The following HDAC9 variants were observed in gnomAD, a reference collection of about 807,000 sequenced individuals.
HDAC9 encodes MEF-2 interacting transcription repressor (MITR) protein.
HDAC9 carries 41 observed loss-of-function variants against 139.4 expected under a neutral mutation model. That is an observed-to-expected ratio of 0.29 (90% confidence interval 0.23 to 0.38). The LOEUF is 0.38. Among genes scored for constraint, HDAC9 ranks in the 10% least tolerant of loss-of-function variants. HDAC9 has a pLI of 1.00. For synonymous variants in HDAC9, 517 were observed against 476.2 expected (o/e 1.09, Z -1.12); for missense variants, 1,147 against 1,297.0 (o/e 0.88, Z 1.78).
At chr7:18,938,042 G>A (rs1030925962) in intron 23 of HDAC9, among the ~76,000 whole-genome samples, 1 of 152,142 alleles carries the variant, frequency 6.6e-6, no homozygotes, top group Non-Finnish European at 1.5e-5. Flanking sequence ...AAAGCAAAGT[G>A]TGTTTTGTAC....
intron 1 of HDAC9, among the ~76,000 whole-genome samples, chr7:18,159,899 AG>A (rs1562690340): frequency 6.6e-6 from 1 of 152,216 alleles, no homozygotes; most frequent in East Asian, 1.9e-4. Flanking sequence ...ACTTTAAAAA[AG>A]ACTTGATATT....
At chr7:18,754,394 A>C (rs992701370) in intron 14 of HDAC9, among the ~76,000 whole-genome samples, 1 of 152,076 alleles carries the variant, frequency 6.6e-6, no homozygotes, top group Non-Finnish European at 1.5e-5. Context: ...TTGACCCATC[A>C]TCTGTTAGAA....
intron 6 of HDAC9, among the ~76,000 whole-genome samples, chr7:18,620,966 AAC>A (rs1307540292): frequency 6.6e-6 from 1 of 152,222 alleles, no homozygotes; most frequent in Non-Finnish European, 1.5e-5. Flanking sequence ...TGATGTACAT[AAC>A]AGTGCTGTCT....
chr7:18,619,442 A>G (rs1013676431), intron 6 of HDAC9, among the ~76,000 whole-genome samples: 3 of 152,188 alleles, frequency 2.0e-5, no homozygotes, highest in African/African-American at 7.2e-5. Flanking sequence ...AATAGACACA[A>G]GATCAATGAT....
In HDAC9 at chr7:18,465,475, G is replaced by T. The variant is rs11976923; in HGVS notation, c.-41-30787G>T. Among the ~76,000 whole-genome samples the T allele has an allele frequency of 5.2e-3, 789 of 152,168 alleles. 11 individuals carry two copies. The highest frequency in any genetic ancestry group is 0.018 in the African/African-American group (752 of 41,532). ...GAGAGTCTGATTTCTGTGGAGGTGG[G>T]TGGGGTTTGTGAATTTTGCAGCTTT... On this transcript the variant is annotated intron_variant, in intron 1 of 3. Transcript: ENST00000413509.
intron 6 of HDAC9, among the ~76,000 whole-genome samples, chr7:18,598,962 G>A (rs905252036): frequency 2.0e-5 from 3 of 152,146 alleles, no homozygotes; most frequent in African/African-American, 7.2e-5. Context: ...GGATTGCTTG[G>A]CCCAGGAATT....
intron 4 of HDAC9, among the ~76,000 whole-genome samples, chr7:18,591,069 G>T (rs935144579): frequency 6.6e-6 from 1 of 152,066 alleles, no homozygotes. Flanking sequence ...TGCTCAAAGG[G>T]TTTTTTTAAA....
At chr7:18,557,186 C>T (rs940215151) in intron 2 of HDAC9, among the ~76,000 whole-genome samples, 5 of 151,962 alleles carry the variant, frequency 3.3e-5, no homozygotes, top group East Asian at 1.9e-4. Context: ...AGCCAGAAGA[C>T]GCTCTTTTGG....
At chr7:18,401,495 C>G (rs1368785028) in intron 1 of HDAC9, among the ~76,000 whole-genome samples, 2 of 152,172 alleles carry the variant, frequency 1.3e-5, no homozygotes, top group Non-Finnish European at 1.5e-5. Flanking sequence ...CCCTTTCAAT[C>G]ATAAAGTGGC....
intron 21 of HDAC9, among the ~76,000 whole-genome samples, chr7:18,855,149 A>G (rs545695212): frequency 6.9e-4 from 105 of 152,312 alleles, no homozygotes; most frequent in Admixed American, 2.4e-3. Flanking sequence ...GTAATAGGAC[A>G]TGTCTCTATC....
intron 22 of HDAC9, among the ~76,000 whole-genome samples, chr7:18,910,027 G>C (rs545027803): frequency 6.6e-6 from 1 of 151,760 alleles, no homozygotes; most frequent in Non-Finnish European, 1.5e-5. Flanking sequence ...TAGATGATCT[G>C]TCCAATGCTG....
chr7:18,303,357 C>T (rs1034394641), intron 1 of HDAC9, among the ~76,000 whole-genome samples: 3 of 150,126 alleles, frequency 2.0e-5, no homozygotes, highest in Middle Eastern at 6.4e-3. Context: ...CAGGCACCCA[C>T]CGCCACGCCC....
At chr7:18,742,922 C>T (rs547927736) in intron 13 of HDAC9, among the ~76,000 whole-genome samples, 22 of 152,158 alleles carry the variant, frequency 1.4e-4, no homozygotes, top group African/African-American at 5.3e-4. Flanking sequence ...TAGCTTTGGT[C>T]TCTGATGTTA....
Position 18,507,008 on chromosome 7 carries a change from A to G in HDAC9, c.22+10684A>G, listed in dbSNP as rs183226067. On this transcript the variant is annotated intron_variant, in intron 2 of 25. Coordinates refer to ENST00000686413, the MANE Select transcript of HDAC9 (RefSeq NM_178425.4). ...GCAATTGTTACTTTGCTCTAAAATTAGAATTGTGTTTTAATGTTAAATTCG... is the reference window on the plus strand; with the variant it reads ...GCAATTGTTACTTTGCTCTAAAATTGGAATTGTGTTTTAATGTTAAATTCG... 4.4e-3 allele frequency among the ~76,000 whole-genome samples: 670 copies of G among 152,190 alleles called. 10 individuals are homozygous for G. Among genetic ancestry groups the G allele is most frequent in the Middle Eastern group, 0.014 (4 of 294 alleles).
chr7:18,977,500 G>A (rs1480757556), intron 25 of HDAC9, among the ~76,000 whole-genome samples: 1 of 152,196 alleles, frequency 6.6e-6, no homozygotes, highest in African/African-American at 2.4e-5. Context: ...TGAGCCTCAA[G>A]TAATATAAAA....
chr7:18,420,652 C>A (rs1400787498), intron 1 of HDAC9, among the ~76,000 whole-genome samples: 2 of 152,168 alleles, frequency 1.3e-5, no homozygotes, highest in African/African-American at 4.8e-5. Flanking sequence ...TTCTGGCAGA[C>A]ATTCTTGTGG....
chr7:18,956,456 T>A (rs1290867972), intron 24 of HDAC9, among the ~76,000 whole-genome samples: 1 of 152,076 alleles, frequency 6.6e-6, no homozygotes, highest in Non-Finnish European at 1.5e-5. Context: ...CAGGAAGGGT[T>A]GACAGCAGGT....
intron 23 of HDAC9, among the ~76,000 whole-genome samples, chr7:18,953,428 T>C (rs976707468): frequency 2.6e-5 from 4 of 152,104 alleles, no homozygotes; most frequent in Non-Finnish European, 5.9e-5. Context: ...TGTAAATTAT[T>C]TAAAGCTTCT....
At chr7:18,980,968 C>T (rs1784909985) in intron 25 of HDAC9, among the ~76,000 whole-genome samples, 1 of 151,872 alleles carries the variant, frequency 6.6e-6, no homozygotes, top group African/African-American at 2.4e-5. Context: ...GGACTACAGG[C>T]ACGTGCCACC....
Sources: allele counts gnomAD v4.1 joint callset (sites outside exome capture counted in the v4.1 genomes callset), GRCh38; gene constraint gnomAD v4.1.1; transcripts MANE v1.5; gene names NCBI Gene and HGNC (gene_info 2026-07-23, HGNC 2026-07-21).